The following TTLL3 variants were observed in gnomAD, a reference collection of about 807,000 sequenced individuals.
TTLL3 encodes the protein tubulin tyrosine ligase like 3.
In TTLL3, 63 loss-of-function variants were observed where a neutral mutation model predicts 75.2. The ratio of observed to expected loss-of-function variants is 0.84; its 90% confidence interval spans 0.68 to 1.03. TTLL3 has a LOEUF of 1.03. Among genes scored for constraint, TTLL3 ranks in the 50% least tolerant of loss-of-function variants. The probability of loss-of-function intolerance (pLI) is 0.00; values close to 1 mark genes in which losing one functional copy is unlikely to be tolerated. For synonymous variants in TTLL3, 393 were observed against 418.5 expected (o/e 0.94, Z 0.74); for missense variants, 997 against 1,069.9 (o/e 0.93, Z 0.95).
At chr3:9,815,006 G>A (rs1402018757) in intron 4 of TTLL3, among the ~76,000 whole-genome samples, 5 of 152,072 alleles carry the variant, frequency 3.3e-5, no homozygotes, top group Non-Finnish European at 7.4e-5. Flanking sequence ...GGGAGGCCAA[G>A]GCGGGTGGAT....
At chr3:9,819,608 G>A in intron 7 of TTLL3, 1 of 985,684 alleles carries the variant, frequency 1.0e-6, no homozygotes, top group Non-Finnish European at 1.2e-6. Flanking sequence ...GGGACACAGA[G>A]GAACCCTCAC....
At chr3:9,821,690 C>T (rs1374219890) in intron 8 of TTLL3, among the ~76,000 whole-genome samples, 1 of 152,184 alleles carries the variant, frequency 6.6e-6, no homozygotes, top group African/African-American at 2.4e-5. Flanking sequence ...AAATGTAAAG[C>T]TGCCCATTTT....
intron 9 of TTLL3, among the ~76,000 whole-genome samples, chr3:9,826,251 G>A (rs1385045977): frequency 1.3e-5 from 2 of 152,312 alleles, no homozygotes; most frequent in African/African-American, 2.4e-5. Flanking sequence ...CCTGGGAAAC[G>A]GAGGCACGTG....
In TTLL3 at chr3:9,825,775, C is replaced by G. The variant is rs111824480; in HGVS notation, c.855-25C>G. 7.5e-4 allele frequency: 1,209 copies of G among 1,613,990 alleles called. 9 individuals carry two copies. The African/African-American group carries it at 0.014, about 19-fold the overall frequency. Reference sequence around the variant, plus strand: ...CCTGCATGTCCCAGGTCCAGCCCTGCCCAAGTTCTATCATTTCCCCACAGC... The same window carrying G: ...CCTGCATGTCCCAGGTCCAGCCCTGGCCAAGTTCTATCATTTCCCCACAGC... On this transcript the variant is annotated intron_variant, in intron 8 of 13. Transcript: ENST00000685419.
chr3:9,812,258 G>A (rs2079423619), intron 2 of TTLL3, among the ~76,000 whole-genome samples: 1 of 152,096 alleles, frequency 6.6e-6, no homozygotes, highest in South Asian at 2.1e-4. Flanking sequence ...GCTGACGCCT[G>A]TAATTTCAGC....
upstream of TTLL3, chr3:9,810,148 A>G (rs557922239): frequency 2.7e-6 from 4 of 1,474,918 alleles, no homozygotes; most frequent in Admixed American, 2.4e-5. The surrounding 1 kb of genome is among the most constrained non-coding windows in gnomAD (Gnocchi z 4.4). Context: ...GCCACGCACC[A>G]GTTTCCCCTC....
At position 9,818,024 on chromosome 3, in the gene TTLL3, G is replaced by T. The variant is rs995901040; in HGVS notation, c.559+265G>T. The T allele has an allele frequency of 1.0e-5, 4 of 397,350 alleles. No individual in the cohort carries two copies. In the Admixed American group the frequency reaches 1.2e-4, roughly 12 times the overall value. 24.6% of individuals were successfully genotyped at this position (397,350 alleles called of 1,614,324 possible). A position where few individuals can be genotyped will look rare whatever the true frequency, so the allele number is the denominator to read the frequency against. On this transcript the variant is annotated intron_variant, in intron 6 of 13. Transcript: ENST00000685419. ...GGTTCTAAAAGTTGGTCAGTCCCTT[G>T]AGTTTGGAATCCAGAACAGATTCCA...
At chr3:9,826,810 A>G (rs1220797444) in intron 9 of TTLL3, among the ~76,000 whole-genome samples, 187 bp from the exon 10 acceptor site, 1 of 152,016 alleles carries the variant, frequency 6.6e-6, no homozygotes, top group East Asian at 1.9e-4. Flanking sequence ...AAACTGGTTA[A>G]TTAGGAAAAA....
At chr3:9,818,742 G>C (rs1365986261) in intron 6 of TTLL3, 80 bp from the exon 7 acceptor site, 26 of 1,605,878 alleles carry the variant, frequency 1.6e-5, no homozygotes, top group Non-Finnish European at 2.2e-5. Flanking sequence ...CCAAAATGGG[G>C]CAAGTCATGA....
At position 9,826,993 on chromosome 3, in the gene TTLL3, G is replaced by A. The variant is rs78492024; in HGVS notation, c.1004-4G>A. The stretch of plus-strand genomic sequence containing the variant: ...CAATCCCTGACTGCCCTCTTCCCCC[G>A]TAGGCATCATGTGCATGGACCACCT... On this transcript the variant is annotated splice_polypyrimidine_tract_variant and splice_region_variant and intron_variant, in intron 9 of 13. Transcript: ENST00000685419. The A allele has an allele frequency of 3.9e-3, 6,324 of 1,613,998 alleles. 163 individuals carry two copies. In the African/African-American group the frequency reaches 0.069, roughly 18 times the overall value.
chr3:9,815,817 A>C (rs974823894), intron 4 of TTLL3, among the ~76,000 whole-genome samples: 2 of 152,248 alleles, frequency 1.3e-5, no homozygotes, highest in Admixed American at 1.3e-4. Flanking sequence ...GCAGTGACAA[A>C]GGGAGGCAGA....
At chr3:9,826,205 T>A (rs2081023358) in intron 9 of TTLL3, among the ~76,000 whole-genome samples, 1 of 152,222 alleles carries the variant, frequency 6.6e-6, no homozygotes, top group Non-Finnish European at 1.5e-5. Context: ...GCTAAAGCAC[T>A]ATTCCAAATC....
In TTLL3 at chr3:9,835,679, TC is replaced by T; in HGVS notation, c.*191del. The T allele has an allele frequency of 1.7e-6, 1 of 583,634 alleles. No individual in the cohort carries two copies. Among genetic ancestry groups the T allele is most frequent in the Non-Finnish European group, 2.9e-6 (1 of 346,842 alleles). The allele number at this position is 583,634 out of a possible 1,614,324, so 36.2% of individuals were successfully genotyped here. On this transcript the variant is annotated 3_prime_UTR_variant, in exon 14 of 14. Coordinates refer to ENST00000685419, the MANE Select transcript of TTLL3 (RefSeq NM_001387446.1). ...TTACCCAAGATCACGTGGCAGTGAG[TC>T]GACGCAGGGACATATTGCCAGAACT...
At chr3:9,823,487 C>G (rs2080713049) in intron 8 of TTLL3, among the ~76,000 whole-genome samples, 1 of 38,480 alleles carries the variant, frequency 2.6e-5, no homozygotes, top group African/African-American at 8.7e-5. Flanking sequence ...CATTAAAATA[C>G]TGTTTTTTTT....
intron 10 of TTLL3, 133 bp from the exon 11 acceptor site, chr3:9,828,827 C>T: frequency 1.7e-6 from 2 of 1,164,416 alleles, no homozygotes; most frequent in Non-Finnish European, 2.4e-6. Context: ...TTTTGTCCTT[C>T]CCAGTAGGGC....
chr3:9,829,916 C>T (rs1285249320), intron 11 of TTLL3, among the ~76,000 whole-genome samples: 2 of 152,166 alleles, frequency 1.3e-5, no homozygotes, highest in African/African-American at 4.8e-5. Flanking sequence ...GATCTTGGCT[C>T]ACTGCAACCT....
chr3:9,812,783 T>C (rs549066474), intron 2 of TTLL3, 160 bp from the exon 3 acceptor site: 15 of 812,086 alleles, frequency 1.8e-5, no homozygotes, highest in Admixed American at 3.8e-5. Context: ...TTACCATGCA[T>C]ATTTATTTCT....
In TTLL3 at chr3:9,827,233, C is replaced by A. The variant is rs1264433768; in HGVS notation, c.1240C>A (p.Leu414Met). ...FSTQPFSLKN[L>M]DNSVHLCNNS... is the part of the protein sequence containing the mutation. ...CACGCAGCCCTTCTCCCTGAAGAAC[C>A]TGGACAAGTGAGCCCCTCTGCTCGC... Residue 414 changes from leucine (L) to methionine (M), a missense_variant, in exon 10 of 14, where the codon CTG becomes ATG. By Grantham distance (15) the Leu-to-Met change is conservative. Transcript: ENST00000685419. 1 of 1,613,870 alleles carries A rather than the reference C, an allele frequency of 6.2e-7. No homozygotes were observed. Among genetic ancestry groups the A allele is most frequent in the Non-Finnish European group, 8.5e-7 (1 of 1,179,832 alleles).
At chr3:9,811,372 A>G (rs1327784368) in intron 2 of TTLL3, among the ~76,000 whole-genome samples, 1 of 152,044 alleles carries the variant, frequency 6.6e-6, no homozygotes, top group East Asian at 1.9e-4. Flanking sequence ...AGTCTTTCCC[A>G]TCTCTCAGTT....
Sources: allele counts gnomAD v4.1 joint callset (sites outside exome capture counted in the v4.1 genomes callset), GRCh38; gene constraint gnomAD v4.1.1; non-coding constraint Gnocchi (gnomAD v3.1); transcripts MANE v1.5; gene names NCBI Gene and HGNC (gene_info 2026-07-23, HGNC 2026-07-21).